Variants in CDC42EP1 observed in about 807,000 individuals in gnomAD.
CDC42EP1 encodes the protein 55 kDa bone marrow stromal/endothelial cell protein.
A neutral mutation model predicts 7.4 loss-of-function variants in CDC42EP1; 6 were observed. The observed-to-expected ratio is 0.81, with a 90% CI of 0.44 to 1.60. The LOEUF (loss-of-function observed/expected upper bound fraction) is 1.60, where lower values mean the gene tolerates loss of function less well. CDC42EP1 is among the 40% of genes most tolerant of loss of function. The pLI is 0.01. For synonymous variants in CDC42EP1, 238 were observed against 227.1 expected (o/e 1.05, Z -0.43); for missense variants, 567 against 539.0 (o/e 1.05, Z -0.51).
At chr22:37,565,354 AT>A (rs1925193186) in intron 1 of CDC42EP1, among the ~76,000 whole-genome samples, 1 of 151,054 alleles carries the variant, frequency 6.6e-6, no homozygotes, top group South Asian at 2.1e-4. Flanking sequence ...CACCCAACTA[AT>A]TTTTTTAAAA....
chr22:37,566,355 CG>C lies in CDC42EP1; in HGVS notation c.8del (p.Gly3AlafsTer11), dbSNP rs769024875. Reference protein sequence around the residue: MPGPQGGRGAATM... With the variant: MPXPQGGRGAATM... Reference sequence around the variant, plus strand: ...GCTGTGAGCAGCCAGAGCTGATGCCCGGCCCCCAGGGGGGCAGAGGCGCCGC... The same window carrying C: ...GCTGTGAGCAGCCAGAGCTGATGCCCGCCCCCAGGGGGGCAGAGGCGCCGC... On this transcript the variant is annotated frameshift_variant, in exon 2 of 3. Transcript: ENST00000249014. LOFTEE classifies it high-confidence loss of function. The surrounding 1 kb of genome is among the most constrained non-coding windows in gnomAD (Gnocchi z 6.4). The C allele has an allele frequency of 5.9e-5, 89 of 1,507,906 alleles. No homozygotes were observed. Among genetic ancestry groups the C allele is most frequent in the Non-Finnish European group, 5.7e-5 (64 of 1,124,786 alleles). The allele number at this position is 1,507,906 out of a possible 1,614,324, so 93.4% of individuals were successfully genotyped here.
rs1436340485 is a variant in CDC42EP1, at chr22:37,566,208, C to A, written c.-142C>A. 5.6e-6 allele frequency: 3 copies of A among 532,996 alleles called. No individual in the cohort carries two copies. In the African/African-American group the frequency reaches 5.9e-5, roughly 10 times the overall value. The allele number at this position is 532,996 out of a possible 1,614,324, so 33.0% of individuals were successfully genotyped here. On this transcript the variant is annotated 5_prime_UTR_variant, in exon 2 of 3. Transcript: ENST00000249014. The surrounding 1 kb of genome is among the most constrained non-coding windows in gnomAD (Gnocchi z 6.4). ...AGCCATGAACCCCCCACAGCCTCTGCATTTGGGGACCTCACCTTAGGAGAG... is the reference window on the plus strand; with the variant it reads ...AGCCATGAACCCCCCACAGCCTCTGAATTTGGGGACCTCACCTTAGGAGAG...
intron 2 of CDC42EP1, among the ~76,000 whole-genome samples, chr22:37,567,479 C>T (rs1925287143): frequency 6.6e-6 from 1 of 152,158 alleles, no homozygotes; most frequent in South Asian, 2.1e-4. Context: ...ACCATGGGCC[C>T]CTGCTGCCAC....
Position 37,568,470 on chromosome 22 carries a change from C to T in CDC42EP1, c.826C>T (p.Pro276Ser). Residue 276 changes from proline (P) to serine (S), a missense_variant, in exon 3 of 3, where the codon CCT becomes TCT. By Grantham distance (74) the Pro-to-Ser change is moderately conservative. Coordinates refer to ENST00000249014, the MANE Select transcript of CDC42EP1 (RefSeq NM_152243.3). The stretch of plus-strand genomic sequence containing the variant: ...GGGTCCTGCTGCAAATCCCCCAGCC[C>T]CTGCCGCAAGCTCCACACCCCATGG... ...PTGPAANPPA[P>S]AASSTPHGHC... 6.2e-7 allele frequency: 1 copy of T among 1,605,164 alleles called. No homozygotes were observed. Among genetic ancestry groups the T allele is most frequent in the Non-Finnish European group, 8.5e-7 (1 of 1,175,528 alleles).
At position 37,566,859 on chromosome 22, in the gene CDC42EP1, A is replaced by T; in HGVS notation, c.463+47A>T. 1 of 1,416,720 alleles carries T rather than the reference A, an allele frequency of 7.1e-7. No individual in the cohort carries two copies. Among genetic ancestry groups the T allele is most frequent in the Non-Finnish European group, 9.5e-7 (1 of 1,047,412 alleles). 87.8% of individuals were successfully genotyped at this position (1,416,720 alleles called of 1,614,324 possible). A position where few individuals can be genotyped will look rare whatever the true frequency, so the allele number is the denominator to read the frequency against. ...GCCCACTTTTCAGAGGCTGAGGCTGAGGCCCAGAGGGGTTCAGTGGCTCCT... is the reference window on the plus strand; with the variant it reads ...GCCCACTTTTCAGAGGCTGAGGCTGTGGCCCAGAGGGGTTCAGTGGCTCCT... On this transcript the variant is annotated intron_variant, in intron 2 of 2. Transcript: ENST00000249014. This position sits in a 1 kb window ranked among gnomAD's most constrained non-coding sequence, Gnocchi z 6.4.
At chr22:37,562,340 C>T (rs1329497894) in intron 1 of CDC42EP1, among the ~76,000 whole-genome samples, 1 of 152,214 alleles carries the variant, frequency 6.6e-6, no homozygotes, top group Non-Finnish European at 1.5e-5. Flanking sequence ...CACCAGGACA[C>T]TTGGAGCCCT....
chr22:37,568,832 A>G lies in CDC42EP1; in HGVS notation c.*12A>G. On this transcript the variant is annotated 3_prime_UTR_variant, in exon 3 of 3. Coordinates refer to ENST00000249014, the MANE Select transcript of CDC42EP1 (RefSeq NM_152243.3). ...AGGTCAAGGTGTGAGGGGCTGGGGC[A>G]CGGTCCCAGGGCCCCACCTAGGTGC... The G allele has an allele frequency of 3.5e-6, 5 of 1,448,554 alleles. No homozygotes were observed. Among genetic ancestry groups the G allele is most frequent in the Non-Finnish European group, 4.6e-6 (5 of 1,094,866 alleles). 89.7% of individuals were successfully genotyped at this position (1,448,554 alleles called of 1,614,324 possible).
At chr22:37,561,398 C>T (rs1925035269) in intron 1 of CDC42EP1, among the ~76,000 whole-genome samples, 1 of 152,236 alleles carries the variant, frequency 6.6e-6, no homozygotes, top group Admixed American at 6.5e-5. Context: ...CGCTCGGTCC[C>T]GGGCTGGTTC....
chr22:37,560,709 C>G (rs1157600181), intron 1 of CDC42EP1, 121 bp downstream of exon 1: 2 of 151,512 alleles, frequency 1.3e-5, no homozygotes, highest in Admixed American at 6.5e-5. Flanking sequence ...GGGACCCGCC[C>G]GGGAGAGGCG....
chr22:37,564,064 G>A (rs927069537), intron 1 of CDC42EP1, among the ~76,000 whole-genome samples: 2 of 152,216 alleles, frequency 1.3e-5, no homozygotes, highest in Non-Finnish European at 2.9e-5. Context: ...TGAGTCAGAG[G>A]CTCTGAGTTC....
At position 37,569,390 on chromosome 22, in the gene CDC42EP1, G is replaced by A. The variant is rs1601457357; in HGVS notation, c.*570G>A. On this transcript the variant is annotated 3_prime_UTR_variant, in exon 3 of 3. Transcript: ENST00000249014. ...TTGCCTCTGGGGCCTGATTAAATAA[G>A]GCTGTTTTGATAAAAGGTGTCCTGC... is the stretch of plus-strand genomic sequence containing the variant. 1.3e-5 allele frequency: 2 copies of A among 152,444 alleles called. No homozygotes were observed. Among genetic ancestry groups the A allele is most frequent in the Admixed American group, 6.5e-5 (1 of 15,308 alleles). The allele number at this position is 152,444 out of a possible 1,614,324, so 9.4% of individuals were successfully genotyped here.
Position 37,566,555 on chromosome 22 carries a change from G to C in CDC42EP1, c.206G>C (p.Gly69Ala). 1 of 1,608,024 alleles carries C rather than the reference G, an allele frequency of 6.2e-7. No individual in the cohort carries two copies. Among genetic ancestry groups the C allele is most frequent in the African/African-American group, 1.3e-5 (1 of 74,950 alleles). ...ACGTCCTTCCTCAGCAACCACGGTG[G>C]CAGCTCCGGGAGCACCCATCGCTCA... ...GDTSFLSNHG[G>A]SSGSTHRSPR... The change falls in exon 2 of 3, where the codon GGC becomes GCC. Residue 69 changes from glycine (G) to alanine (A), a missense_variant. Gly to Ala is a moderately conservative substitution (Grantham distance 60). Transcript: ENST00000249014. The surrounding 1 kb of genome is among the most constrained non-coding windows in gnomAD (Gnocchi z 6.4).
chr22:37,567,976 G>A (rs1281417969), intron 2 of CDC42EP1, 132 bp from the exon 3 acceptor site: 3 of 721,726 alleles, frequency 4.2e-6, no homozygotes, highest in Non-Finnish European at 7.2e-6. Context: ...TTGGAAAGAT[G>A]GGAGAAACCG....
intron 1 of CDC42EP1, among the ~76,000 whole-genome samples, chr22:37,562,319 G>A (rs897385526): frequency 1.3e-4 from 20 of 152,190 alleles, no homozygotes; most frequent in African/African-American, 4.3e-4. Context: ...GGTGAGGGGA[G>A]GTGAGCCTGG....
chr22:37,566,748 C>A lies in CDC42EP1; in HGVS notation c.399C>A (p.Leu133=), dbSNP rs774081807. The A allele has an allele frequency of 2.5e-6, 4 of 1,605,170 alleles. No homozygotes were observed. In the South Asian group the frequency reaches 4.4e-5, roughly 18 times the overall value. Residue 133 remains leucine, a synonymous_variant, in exon 2 of 3, where the codon CTC becomes CTA. Transcript: ENST00000249014. The surrounding 1 kb of genome is among the most constrained non-coding windows in gnomAD (Gnocchi z 6.4). The stretch of plus-strand genomic sequence containing the variant: ...TCAACCAGGCCGCCTACGACAGCCT[C>A]GTGGTTGGCAAGCTCAGCTTCGACA... The part of the protein sequence containing the change: ...PQLNQAAYDS[L]VVGKLSFDSS...
At position 37,566,482 on chromosome 22, in the gene CDC42EP1, T is replaced by C; in HGVS notation, c.133T>C (p.Phe45Leu). 1.2e-6 allele frequency: 2 copies of C among 1,613,290 alleles called. No individual in the cohort carries two copies. The highest frequency in any genetic ancestry group is 2.2e-5 in the South Asian group (2 of 90,908). The change falls in exon 2 of 3, where the codon TTC (phenylalanine) becomes CTC (leucine). Residue 45 changes from phenylalanine (F) to leucine (L), a missense_variant. Physicochemically the swap from Phe to Leu is conservative, Grantham distance 22 (BLOSUM62 0). Coordinates refer to ENST00000249014, the MANE Select transcript of CDC42EP1 (RefSeq NM_152243.3). The surrounding 1 kb of genome is among the most constrained non-coding windows in gnomAD (Gnocchi z 6.4). ...ADMISHPLGD[F>L]RHTMHVGRGG... ...CATGATCAGCCACCCACTCGGGGAC[T>C]TCCGCCACACCATGCATGTGGGCCG...
rs984289082 is a variant in CDC42EP1, at chr22:37,561,512, C to T, written c.-279+924C>T. On this transcript the variant is annotated intron_variant, in intron 1 of 2. Coordinates refer to ENST00000249014, the MANE Select transcript of CDC42EP1 (RefSeq NM_152243.3). ...CCCCTTGGAATACGGAGGACCGGGT[C>T]CCCTAGCGCGACTGCGAACAACTAG... Among the ~76,000 whole-genome samples the T allele has an allele frequency of 2.0e-5, 3 of 152,238 alleles. No homozygotes were observed. In the East Asian group the frequency reaches 5.8e-4, roughly 29 times the overall value.
intron 1 of CDC42EP1, among the ~76,000 whole-genome samples, chr22:37,561,159 C>G (rs1052265984): frequency 6.6e-6 from 1 of 152,208 alleles, no homozygotes; most frequent in Admixed American, 6.5e-5. Context: ...TCCTGAGCCC[C>G]GTCCCCCCAG....
In CDC42EP1 at chr22:37,568,144, C is replaced by T; in HGVS notation, c.500C>T (p.Pro167Leu). 1 of 1,613,958 alleles carries T rather than the reference C, an allele frequency of 6.2e-7. No individual in the cohort carries two copies. The highest frequency in any genetic ancestry group is 1.1e-5 in the South Asian group (1 of 91,074). Residue 167 changes from proline to leucine, a missense_variant, in exon 3 of 3, where the codon CCC becomes CTC. Transcript: ENST00000249014. ...GGGTTCTGCACCATCTCCCGCCTGC[C>T]CCGCTCGGAAAAGCCGCATGACCGA... is the stretch of plus-strand genomic sequence containing the variant. ...DSGFCTISRL[P>L]RSEKPHDRDR...
Sources: gnomAD v4.1 joint callset for allele counts (sites outside exome capture counted in the v4.1 genomes callset) on GRCh38, gnomAD v4.1.1 for gene constraint, Gnocchi (gnomAD v3.1) non-coding constraint, MANE v1.5 for transcripts, NCBI Gene and HGNC (gene_info 2026-07-23, HGNC 2026-07-21) for gene names.